SKAP1: variants seen among roughly 807,000 people sequenced by gnomAD.
SKAP1 encodes the protein src kinase associated phosphoprotein 1.
In SKAP1, 44 loss-of-function variants were observed where a neutral mutation model predicts 58.5. That is an observed-to-expected ratio of 0.75 (90% CI 0.59 to 0.97). The LOEUF (loss-of-function observed/expected upper bound fraction) is 0.97, where lower values mean the gene tolerates loss of function less well. Among genes scored for constraint, SKAP1 ranks in the 50% least tolerant of loss-of-function variants. SKAP1 has a pLI of 0.00. For synonymous variants in SKAP1, 127 were observed against 149.7 expected (o/e 0.85, Z 1.11); for missense variants, 390 against 435.2 (o/e 0.90, Z 0.92).
chr17:48,342,577 G>A (rs1157779236), intron 4 of SKAP1, among the ~76,000 whole-genome samples: 1 of 152,120 alleles, frequency 6.6e-6, no homozygotes, highest in African/African-American at 2.4e-5. Context: ...AAAATTATGG[G>A]TGGATGGGCC....
At chr17:48,323,064 C>CTT (rs2066390185) in intron 4 of SKAP1, among the ~76,000 whole-genome samples, 1 of 151,982 alleles carries the variant, frequency 6.6e-6, no homozygotes, top group African/African-American at 2.4e-5. Flanking sequence ...CCAAAGCACT[C>CTT]TAGCCTGGGC....
intron 4 of SKAP1, among the ~76,000 whole-genome samples, chr17:48,331,702 GAA>G (rs79313967): frequency 1.5e-5 from 2 of 133,790 alleles, no homozygotes; most frequent in Admixed American, 7.5e-5. Flanking sequence ...CCGTCTCAAG[GAA>G]AAAAAAAAAA....
At chr17:48,320,170 T>A (rs1255981723) in intron 4 of SKAP1, among the ~76,000 whole-genome samples, 2 of 152,042 alleles carry the variant, frequency 1.3e-5, no homozygotes, top group African/African-American at 2.4e-5. Context: ...CAAGAAACAG[T>A]CTCTCATGAA....
intron 4 of SKAP1, among the ~76,000 whole-genome samples, chr17:48,239,406 T>C (rs570862048): frequency 6.6e-6 from 1 of 152,182 alleles, no homozygotes; most frequent in African/African-American, 2.4e-5. Context: ...CTCTTTATTA[T>C]CACATTCACA....
At chr17:48,350,259 G>A (rs769468179) in intron 3 of SKAP1, among the ~76,000 whole-genome samples, 1 of 152,034 alleles carries the variant, frequency 6.6e-6, no homozygotes, top group Non-Finnish European at 1.5e-5. Context: ...AAACATATAT[G>A]TTTGCTTATT....
At position 48,356,433 on chromosome 17, in the gene SKAP1, C is replaced by A. The variant is rs74560467; in HGVS notation, c.178+7356G>T. Reference sequence around the variant, plus strand: ...AAAGTTAAGTATGCCCAGAGCAAAACCTTCAAATGTTACAGGAAGGCATAT... The same window carrying A: ...AAAGTTAAGTATGCCCAGAGCAAAAACTTCAAATGTTACAGGAAGGCATAT... On this transcript the variant is annotated intron_variant, in intron 3 of 12. Transcript: ENST00000336915. 3.9e-3 allele frequency among the ~76,000 whole-genome samples: 599 copies of A among 152,196 alleles called. 5 individuals carry two copies. Among genetic ancestry groups the A allele is most frequent in the African/African-American group, 0.014 (576 of 41,530 alleles).
At chr17:48,266,357 C>G (rs188116850) in intron 4 of SKAP1, among the ~76,000 whole-genome samples, 2 of 152,252 alleles carry the variant, frequency 1.3e-5, no homozygotes, top group Admixed American at 6.5e-5. Context: ...CCTATCAGAA[C>G]AGATGGATAG....
intron 6 of SKAP1, 42 bp downstream of exon 6, chr17:48,187,801 A>G: frequency 1.4e-6 from 2 of 1,404,200 alleles, no homozygotes; most frequent in Non-Finnish European, 2.0e-6. Flanking sequence ...AAGTGTTTGC[A>G]TCCAGGAGTG....
At chr17:48,363,892 A>C in intron 2 of SKAP1, 78 bp from the exon 3 acceptor site, 1 of 1,194,536 alleles carries the variant, frequency 8.4e-7, no homozygotes, top group Admixed American at 2.1e-5. Flanking sequence ...CCATAGCTAT[A>C]GCACCTGGTC....
intron 10 of SKAP1, among the ~76,000 whole-genome samples, chr17:48,165,391 CTTTCTTTCTTTCT>C (rs947191703): frequency 2.7e-5 from 4 of 148,512 alleles, no homozygotes; most frequent in African/African-American, 7.5e-5. Context: ...TTCTTTCTTT[CTTTCTTTCTTTCT>C]TTTTTTTTTT....
intron 1 of SKAP1, among the ~76,000 whole-genome samples, chr17:48,418,164 C>T (rs117101365): frequency 6.6e-6 from 1 of 152,134 alleles, no homozygotes; most frequent in Admixed American, 6.5e-5. Context: ...GTGGCATGCA[C>T]CTGTTGTCCC....
chr17:48,234,444 A>C (rs2065158456), intron 4 of SKAP1, among the ~76,000 whole-genome samples: 1 of 152,242 alleles, frequency 6.6e-6, no homozygotes, highest in South Asian at 2.1e-4. Flanking sequence ...GTTTAGGATG[A>C]AATTGGTACA....
intron 2 of SKAP1, among the ~76,000 whole-genome samples, chr17:48,370,301 T>C (rs2067067268): frequency 6.6e-6 from 1 of 152,046 alleles, no homozygotes; most frequent in African/African-American, 2.4e-5. Flanking sequence ...TCAGAATGGC[T>C]ATCATTATTA....
chr17:48,140,683 G>C (rs1448614964), intron 11 of SKAP1, among the ~76,000 whole-genome samples: 12 of 151,968 alleles, frequency 7.9e-5, no homozygotes, highest in Non-Finnish European at 1.6e-4. Context: ...CTATCTCAGT[G>C]AGTTGTACTA....
chr17:48,324,056 CA>C lies in SKAP1; in HGVS notation c.280+21848del, dbSNP rs756696258. Among the ~76,000 whole-genome samples the C allele has an allele frequency of 3.9e-5, 6 of 151,980 alleles. 1 individual carries two copies. Among genetic ancestry groups the C allele is most frequent in the Non-Finnish European group, 7.4e-5 (5 of 67,934 alleles). ...GCATGCTTATTTGAAAAAACAAAAA[CA>C]ACCAATGACCTTTCATTTTAAAAAG... On this transcript the variant is annotated intron_variant, in intron 4 of 12. Transcript: ENST00000336915.
chr17:48,347,819 TCAAC>T (rs2144336164), intron 3 of SKAP1, among the ~76,000 whole-genome samples: 1 of 151,860 alleles, frequency 6.6e-6, no homozygotes, highest in African/African-American at 2.4e-5. Flanking sequence ...AATTATATTA[TCAAC>T]ACAATCTAAA....
rs541070244 is a variant in SKAP1 at position 48,330,498 on chromosome 17, A to C, written c.280+15407T>G. 1.9e-3 allele frequency among the ~76,000 whole-genome samples: 285 copies of C among 152,338 alleles called. 1 individual carries two copies. The highest frequency in any genetic ancestry group is 6.7e-3 in the African/African-American group (279 of 41,578). On this transcript the variant is annotated intron_variant, in intron 4 of 12. Coordinates refer to ENST00000336915, the MANE Select transcript of SKAP1 (RefSeq NM_003726.4). ...GAGCATAATCCAAGTCACAACTCTAAAAAGAAAAACCAAAACCAAACAAAC... is the reference window on the plus strand; with the variant it reads ...GAGCATAATCCAAGTCACAACTCTACAAAGAAAAACCAAAACCAAACAAAC...
At chr17:48,295,258 A>C (rs1239219318) in intron 4 of SKAP1, among the ~76,000 whole-genome samples, 3 of 152,188 alleles carry the variant, frequency 2.0e-5, no homozygotes, top group Admixed American at 1.3e-4. Flanking sequence ...CTAAATCTGG[A>C]AGTGACAGTG....
At chr17:48,193,665 T>C in intron 4 of SKAP1, 1 of 984,380 alleles carries the variant, frequency 1.0e-6, no homozygotes, top group Non-Finnish European at 1.2e-6. Context: ...CCTCTTTCAG[T>C]GTCAGCGCAG....
Sources: allele counts gnomAD v4.1 joint callset (sites outside exome capture counted in the v4.1 genomes callset), GRCh38; gene constraint gnomAD v4.1.1; transcripts MANE v1.5; gene names NCBI Gene and HGNC (gene_info 2026-07-23, HGNC 2026-07-21).